The following MYCT1 variants were observed in gnomAD, a reference collection of about 807,000 sequenced individuals.
The protein encoded by MYCT1 is myc target protein 1.
MYCT1 carries 12 observed loss-of-function variants against 15.0 expected under a neutral mutation model. The observed-to-expected ratio is 0.80, with a 90% confidence interval of 0.51 to 1.29. MYCT1 has a LOEUF of 1.29. MYCT1 is among the 50% of genes most tolerant of loss of function. The pLI, the probability that MYCT1 is intolerant of heterozygous loss-of-function variation, is 0.00. For synonymous variants in MYCT1, 104 were observed against 102.7 expected (o/e 1.01, Z -0.07); for missense variants, 287 against 279.1 (o/e 1.03, Z -0.20).
At chr6:152,738,216 C>T in the MYCT1 span, among the ~76,000 whole-genome samples, 2 of 152,060 alleles carry the variant, frequency 1.3e-5, no homozygotes, top group African/African-American at 4.8e-5. Flanking sequence ...CTATCATAGA[C>T]ATATATTTAA....
the MYCT1 span, among the ~76,000 whole-genome samples, chr6:152,743,525 T>C: frequency 6.6e-6 from 1 of 152,226 alleles, no homozygotes; most frequent in Admixed American, 6.5e-5. Flanking sequence ...ATCACTGGAT[T>C]GAACTGCCTG....
At chr6:152,702,979 C>A (rs1391948366) in intron 1 of MYCT1, among the ~76,000 whole-genome samples, 1 of 152,168 alleles carries the variant, frequency 6.6e-6, no homozygotes, top group Non-Finnish European at 1.5e-5. Context: ...CTTTTTAATA[C>A]ATCCCTGACC....
intron 1 of MYCT1, among the ~76,000 whole-genome samples, chr6:152,701,566 G>A (rs2099721316): frequency 6.6e-6 from 1 of 152,132 alleles, no homozygotes; most frequent in Non-Finnish European, 1.5e-5. Flanking sequence ...GTTGGAGAGG[G>A]TGTGTGGATG....
At chr6:152,735,788 A>G in the MYCT1 span, among the ~76,000 whole-genome samples, 1 of 152,152 alleles carries the variant, frequency 6.6e-6, no homozygotes, top group Non-Finnish European at 1.5e-5. Context: ...TATTTAATTA[A>G]TTGCTGACTT....
At chr6:152,745,520 T>TA in the MYCT1 span, among the ~76,000 whole-genome samples, 1 of 152,198 alleles carries the variant, frequency 6.6e-6, no homozygotes, top group Non-Finnish European at 1.5e-5. Flanking sequence ...TTTTCAGATT[T>TA]AAAATTCTAT....
At chr6:152,713,540 T>C (rs1394512902) in intron 1 of MYCT1, among the ~76,000 whole-genome samples, 1 of 152,134 alleles carries the variant, frequency 6.6e-6, no homozygotes, top group East Asian at 1.9e-4. Context: ...CCCCCTAGTT[T>C]ATTTTCACAG....
chr6:152,704,162 A>C (rs1161754161), intron 1 of MYCT1, among the ~76,000 whole-genome samples: 1 of 151,712 alleles, frequency 6.6e-6, no homozygotes, highest in African/African-American at 2.4e-5. Context: ...GCACCAGGCT[A>C]ATTTTTTTCT....
the MYCT1 span, among the ~76,000 whole-genome samples, chr6:152,736,729 T>G: frequency 6.6e-6 from 1 of 152,098 alleles, no homozygotes; most frequent in South Asian, 2.1e-4. Flanking sequence ...TGCATGATCA[T>G]TAGTTTTGAG....
At chr6:152,712,684 C>T (rs927672270) in intron 1 of MYCT1, among the ~76,000 whole-genome samples, 5 of 152,032 alleles carry the variant, frequency 3.3e-5, no homozygotes, top group Non-Finnish European at 5.9e-5. Context: ...CACTACTATA[C>T]TTAAGGGATA....
At position 152,723,051 on chromosome 6, in the gene MYCT1, G is replaced by A. The variant is rs2099724992; in HGVS notation, c.*798G>A. ...ATCTTGGATTTTTAATGGAATATGT[G>A]GGCACAAAATGACAGAACATAGGAC... is the stretch of plus-strand genomic sequence containing the variant. On this transcript the variant is annotated 3_prime_UTR_variant, in exon 2 of 2. Transcript: ENST00000367245. The A allele has an allele frequency of 6.4e-6, 1 of 155,268 alleles. No homozygotes were observed. The highest frequency in any genetic ancestry group is 2.4e-5 in the African/African-American group (1 of 41,474). The allele number at this position is 155,268 out of a possible 1,614,324, so 9.6% of individuals were successfully genotyped here.
intron 1 of MYCT1, among the ~76,000 whole-genome samples, chr6:152,718,735 TCTTTAAATA>T (rs1358002699): frequency 6.6e-6 from 1 of 152,180 alleles, no homozygotes; most frequent in Non-Finnish European, 1.5e-5. Flanking sequence ...ACTCTTGTAA[TCTTTAAATA>T]CTTTCATTGA....
chr6:152,726,168 G>A (rs1346856964), downstream of MYCT1, among the ~76,000 whole-genome samples: 2 of 151,968 alleles, frequency 1.3e-5, no homozygotes, highest in Non-Finnish European at 2.9e-5. Context: ...AGGCCGAGGC[G>A]GGCAGATCAC....
the MYCT1 span, among the ~76,000 whole-genome samples, chr6:152,744,843 G>T: frequency 8.5e-5 from 13 of 152,248 alleles, no homozygotes; most frequent in East Asian, 1.2e-3. Context: ...GGCGGGAGCT[G>T]GGGGGAGAGC....
At chr6:152,726,826 A>T (rs965095145), downstream of MYCT1, among the ~76,000 whole-genome samples, 3 of 152,176 alleles carry the variant, frequency 2.0e-5, no homozygotes, top group Non-Finnish European at 4.4e-5. Flanking sequence ...TCACAGAATC[A>T]CATGATACTG....
At chr6:152,733,344 C>G in the MYCT1 span, among the ~76,000 whole-genome samples, 1 of 152,154 alleles carries the variant, frequency 6.6e-6, no homozygotes, top group Non-Finnish European at 1.5e-5. Context: ...CTCAAGCAAT[C>G]TGCCTGCCTT....
At chr6:152,744,257 C>A in the MYCT1 span, among the ~76,000 whole-genome samples, 1 of 152,128 alleles carries the variant, frequency 6.6e-6, no homozygotes, top group Non-Finnish European at 1.5e-5. Flanking sequence ...TTGGACAGAC[C>A]GGCTCGGGGC....
chr6:152,732,997 A>G, the MYCT1 span, among the ~76,000 whole-genome samples: 1 of 152,204 alleles, frequency 6.6e-6, no homozygotes, highest in Non-Finnish European at 1.5e-5. Flanking sequence ...CCCCAGGAAT[A>G]TGTCAGAGCT....
the MYCT1 span, among the ~76,000 whole-genome samples, chr6:152,734,213 G>A: frequency 5.9e-5 from 9 of 152,044 alleles, no homozygotes; most frequent in Non-Finnish European, 1.3e-4. Flanking sequence ...CCAGATTGTG[G>A]AATTCCTACT....
the MYCT1 span, among the ~76,000 whole-genome samples, chr6:152,745,513 T>A: frequency 1.3e-5 from 2 of 152,180 alleles, no homozygotes; most frequent in Non-Finnish European, 2.9e-5. Flanking sequence ...GCAATACTTT[T>A]CAGATTTAAA....
Sources: allele counts gnomAD v4.1 joint callset (sites outside exome capture counted in the v4.1 genomes callset), GRCh38; gene constraint gnomAD v4.1.1; transcripts MANE v1.5; gene names NCBI Gene and HGNC (gene_info 2026-07-23, HGNC 2026-07-21).